TTC33: variants seen among roughly 807,000 people sequenced by gnomAD.
TTC33 encodes tetratricopeptide repeat protein 33.
A neutral mutation model predicts 29.4 loss-of-function variants in TTC33; 24 were observed. That is an observed-to-expected ratio of 0.82 (90% CI 0.59 to 1.15). The LOEUF (loss-of-function observed/expected upper bound fraction) is 1.15, where lower values mean the gene tolerates loss of function less well. Ranked by LOEUF, TTC33 falls within the 50% of genes most tolerant of loss-of-function variation. The probability of loss-of-function intolerance (pLI) is 0.00; values close to 1 mark genes in which losing one functional copy is unlikely to be tolerated. For synonymous variants in TTC33, 107 were observed against 100.3 expected (o/e 1.07, Z -0.40); for missense variants, 286 against 310.4 (o/e 0.92, Z 0.59).
intron 2 of TTC33, among the ~76,000 whole-genome samples, chr5:40,737,611 C>A (rs555818047): frequency 6.6e-6 from 1 of 152,054 alleles, no homozygotes; most frequent in Non-Finnish European, 1.5e-5. Context: ...TATCAAAAAA[C>A]GTACCCACTT....
At chr5:40,740,154 T>C (rs1468454355) in intron 2 of TTC33, among the ~76,000 whole-genome samples, 1 of 152,110 alleles carries the variant, frequency 6.6e-6, no homozygotes. Flanking sequence ...GTTGCTGTTG[T>C]TATTTAATGT....
At chr5:40,735,419 C>T (rs572098425) in intron 2 of TTC33, among the ~76,000 whole-genome samples, 1 of 152,070 alleles carries the variant, frequency 6.6e-6, no homozygotes, top group Non-Finnish European at 1.5e-5. Flanking sequence ...TGAAAATGTA[C>T]AGTTGGCTCA....
rs577419845 is a variant in TTC33 at position 40,729,761 on chromosome 5, C to A, written c.303+501G>T. Among the ~76,000 whole-genome samples, 23 of 152,240 alleles carry A rather than the reference C, an allele frequency of 1.5e-4. No individual in the cohort carries two copies. In the East Asian group the frequency reaches 4.2e-3, roughly 28 times the overall value. On this transcript the variant is annotated intron_variant, in intron 3 of 4. Coordinates refer to ENST00000337702, the MANE Select transcript of TTC33 (RefSeq NM_012382.3). ...TCACCCAGGCTGGAGTGCAGTGGCACTATCTCAGCTCACTGCAACCTCCGC... is the reference window on the plus strand; with the variant it reads ...TCACCCAGGCTGGAGTGCAGTGGCAATATCTCAGCTCACTGCAACCTCCGC...
At chr5:40,745,645 T>C (rs1742776325) in intron 2 of TTC33, among the ~76,000 whole-genome samples, 1 of 151,496 alleles carries the variant, frequency 6.6e-6, no homozygotes, top group Non-Finnish European at 1.5e-5. Context: ...TGCCTCGGCC[T>C]CTCAAAGCAC....
intron 2 of TTC33, among the ~76,000 whole-genome samples, chr5:40,741,402 TGAACGCTAC>T (rs1579688109): frequency 6.6e-6 from 1 of 152,218 alleles, no homozygotes; most frequent in East Asian, 1.9e-4. Context: ...CCGCTCTGTA[TGAACGCTAC>T]GAATGGTTCA....
intron 4 of TTC33, among the ~76,000 whole-genome samples, chr5:40,723,083 G>A (rs1431607580): frequency 6.6e-6 from 1 of 152,180 alleles, no homozygotes; most frequent in Non-Finnish European, 1.5e-5. Context: ...ATTTTGTTCT[G>A]TACTAAGAAA....
intron 3 of TTC33, among the ~76,000 whole-genome samples, chr5:40,728,980 G>A (rs1001004132): frequency 6.6e-6 from 1 of 152,180 alleles, no homozygotes; most frequent in African/African-American, 2.4e-5. Flanking sequence ...TAGGGTTAGG[G>A]TTAGGGTTAG....
rs1741941274 is a variant in TTC33 at position 40,713,662 on chromosome 5, C to T, written c.*2483G>A. ...ATCAGGCATGGTCTGGATGTCTAGA[C>T]ACTCTGACTAATGAGTGTCTATGCC... On this transcript the variant is annotated 3_prime_UTR_variant, in exon 5 of 5. Coordinates refer to ENST00000337702, the MANE Select transcript of TTC33 (RefSeq NM_012382.3). 6.6e-6 allele frequency among the ~76,000 whole-genome samples: 1 copy of T among 152,164 alleles called. No homozygotes were observed. The highest frequency in any genetic ancestry group is 1.5e-5 in the Non-Finnish European group (1 of 68,016).
At chr5:40,721,672 C>CA (rs34638022) in intron 4 of TTC33, among the ~76,000 whole-genome samples, 34 of 148,818 alleles carry the variant, frequency 2.3e-4, no homozygotes, top group African/African-American at 4.4e-4. Context: ...ATGACTCCTA[C>CA]AAAAAAAACA....
intron 2 of TTC33, among the ~76,000 whole-genome samples, chr5:40,731,760 C>T (rs988827701): frequency 2.6e-5 from 4 of 152,134 alleles, no homozygotes; most frequent in African/African-American, 9.7e-5. Flanking sequence ...TCTAAGATTG[C>T]CTTCCTACTC....
At chr5:40,754,268 T>A (rs914437949) in intron 1 of TTC33, among the ~76,000 whole-genome samples, 2 of 152,136 alleles carry the variant, frequency 1.3e-5, no homozygotes, top group African/African-American at 4.8e-5. Context: ...CTGATGCCAC[T>A]AGCAATCGAC....
At chr5:40,755,191 A>AT (rs1242463832) in intron 1 of TTC33, among the ~76,000 whole-genome samples, 1 of 152,180 alleles carries the variant, frequency 6.6e-6, no homozygotes, top group Non-Finnish European at 1.5e-5. Flanking sequence ...ACGGCTTCAC[A>AT]TTTACCCAGC....
chr5:40,746,668 T>A, intron 2 of TTC33, 130 bp downstream of exon 2: 1 of 692,854 alleles, frequency 1.4e-6, no homozygotes. Context: ...CTTATTTCTT[T>A]GATTAATTTA....
intron 2 of TTC33, among the ~76,000 whole-genome samples, chr5:40,735,123 G>A (rs1257298827): frequency 6.6e-6 from 1 of 152,214 alleles, no homozygotes; most frequent in Non-Finnish European, 1.5e-5. Context: ...GGTCAGGGAG[G>A]TGGGCCGAAG....
chr5:40,746,923 T>C lies in TTC33; in HGVS notation c.96A>G (p.Val32=), dbSNP rs1227935894. The C allele has an allele frequency of 6.8e-6, 11 of 1,614,224 alleles. No homozygotes were observed. The highest frequency in any genetic ancestry group is 5.0e-5 in the Admixed American group (3 of 60,028). Residue 32 remains valine (V), a synonymous_variant, in exon 2 of 5, where the codon GTA becomes GTG. Coordinates refer to ENST00000337702, the MANE Select transcript of TTC33 (RefSeq NM_012382.3). ...FEAEAADEKD[V]VDNDEGNWLH... ...GCCAGTTCCCTTCATCGTTGTCAAC[T>C]ACATCCTTCTCATCAGCAGCTTCAG...
At position 40,716,268 on chromosome 5, in the gene TTC33, C is replaced by T; in HGVS notation, c.666G>A (p.Glu222=). ...TTGTTTTATTTGCTGAAACTGTCTT[C>T]TCTTTCTCAGCAATAGCTGCACAAA... is the stretch of plus-strand genomic sequence containing the variant. ...VAVCAAIAEK[E]KTVSANKTMV... is the part of the protein sequence containing the mutation. The change falls in exon 5 of 5, where the codon GAG becomes GAA. Residue 222 remains glutamate (E), a synonymous_variant. Coordinates refer to ENST00000337702, the MANE Select transcript of TTC33 (RefSeq NM_012382.3). The T allele has an allele frequency of 6.2e-7, 1 of 1,614,216 alleles. No individual in the cohort carries two copies. The highest frequency in any genetic ancestry group is 8.5e-7 in the Non-Finnish European group (1 of 1,180,038).
chr5:40,745,594 AC>A (rs1742775395), intron 2 of TTC33, among the ~76,000 whole-genome samples: 1 of 151,724 alleles, frequency 6.6e-6, no homozygotes, highest in African/African-American at 2.4e-5. Context: ...GCAGAGTCAC[AC>A]CTCATCGTAG....
chr5:40,745,512 C>T (rs865951631), intron 2 of TTC33, among the ~76,000 whole-genome samples: 6 of 151,678 alleles, frequency 4.0e-5, no homozygotes, highest in Admixed American at 6.6e-5. Flanking sequence ...AGAGGAAATA[C>T]GAGATTGTCC....
chr5:40,733,301 T>C (rs1446559599), intron 2 of TTC33, among the ~76,000 whole-genome samples: 2 of 152,214 alleles, frequency 1.3e-5, no homozygotes, highest in South Asian at 2.1e-4. Flanking sequence ...AGGGGTGGCA[T>C]AGTAAAGGTC....
Sources: gnomAD v4.1 joint callset for allele counts (sites outside exome capture counted in the v4.1 genomes callset) on GRCh38, gnomAD v4.1.1 for gene constraint, MANE v1.5 for transcripts, NCBI Gene and HGNC (gene_info 2026-07-23, HGNC 2026-07-21) for gene names.